SUMF1: variants seen among roughly 807,000 people sequenced by gnomAD.
The protein encoded by SUMF1 is formylglycine-generating enzyme.
A neutral mutation model predicts 47.6 loss-of-function variants in SUMF1; 48 were observed. The observed-to-expected ratio is 1.01, with a 90% CI of 0.80 to 1.28. SUMF1 has a LOEUF of 1.28. SUMF1 is among the 50% of genes most tolerant of loss of function. The probability of loss-of-function intolerance (pLI) is 0.00; values close to 1 mark genes in which losing one functional copy is unlikely to be tolerated. For missense variants in SUMF1, 571 were observed against 485.4 expected, an observed-to-expected ratio of 1.18 and a Z score of -1.66; for synonymous variants, 230 against 192.1, an observed-to-expected ratio of 1.20 and a Z score of -1.63.
At chr3:4,450,393 T>C (rs1702929511) in intron 2 of SUMF1, among the ~76,000 whole-genome samples, 1 of 152,218 alleles carries the variant, frequency 6.6e-6, no homozygotes, top group African/African-American at 2.4e-5. Context: ...GATCCTTATA[T>C]TGCAGATCTT....
At chr3:4,252,375 CA>C (rs1165010153) in intron 8 of SUMF1, among the ~76,000 whole-genome samples, 203 of 143,312 alleles carry the variant, frequency 1.4e-3, no homozygotes, top group Middle Eastern at 3.6e-3. Context: ...CACACACACA[CA>C]CACCCCACTG....
At chr3:4,096,859 C>A (rs913213028) in intron 8 of SUMF1, among the ~76,000 whole-genome samples, 2 of 152,000 alleles carry the variant, frequency 1.3e-5, no homozygotes, top group South Asian at 2.1e-4. Flanking sequence ...CTAATTGAGT[C>A]CTGTTATGCA....
intron 8 of SUMF1, among the ~76,000 whole-genome samples, chr3:4,126,096 A>AC (rs1693649771): frequency 6.6e-6 from 1 of 151,584 alleles, no homozygotes; most frequent in Non-Finnish European, 1.5e-5. Context: ...TTCAAATAAA[A>AC]AAAAATCAGA....
At chr3:4,395,683 T>C (rs1299050386) in intron 7 of SUMF1, among the ~76,000 whole-genome samples, 3 of 152,184 alleles carry the variant, frequency 2.0e-5, no homozygotes, top group African/African-American at 7.2e-5. Context: ...ATGCTACTTG[T>C]TTCACCCACA....
At chr3:4,134,204 C>T (rs1201539464) in intron 8 of SUMF1, among the ~76,000 whole-genome samples, 1 of 152,064 alleles carries the variant, frequency 6.6e-6, no homozygotes, top group African/African-American at 2.4e-5. Flanking sequence ...CCAAAATTGA[C>T]CACATAGTTG....
intron 8 of SUMF1, among the ~76,000 whole-genome samples, chr3:4,279,436 C>T (rs13060576): frequency 0.35 from 53,404 of 151,932 alleles, 10,113 homozygotes; most frequent in Non-Finnish European, 0.44. Flanking sequence ...CACAATCATA[C>T]AACAAAATAG....
intron 8 of SUMF1, among the ~76,000 whole-genome samples, chr3:4,318,938 A>C (rs1352611727): frequency 1.3e-5 from 2 of 152,210 alleles, no homozygotes; most frequent in Admixed American, 6.5e-5. Context: ...AAAAATAATA[A>C]GACAAATGAC....
At position 4,159,198 on chromosome 3, in the gene SUMF1, T is replaced by C. The variant is rs1461836013; in HGVS notation, c.1015-90453A>G. ...CGTCATGTTGTTATCCGTTTGCTGG[T>C]TGTTTTGCAGTCTCCTCTTCCTTCT... On this transcript the variant is annotated intron_variant and NMD_transcript_variant, in intron 8 of 12. Coordinates refer to the SUMF1 transcript ENST00000448413. 2.0e-5 allele frequency among the ~76,000 whole-genome samples: 3 copies of C among 151,418 alleles called. No homozygotes were observed. The East Asian group carries it at 5.8e-4, about 29-fold the overall frequency.
chr3:4,283,335 T>C (rs1389549342), intron 8 of SUMF1, among the ~76,000 whole-genome samples: 3 of 152,180 alleles, frequency 2.0e-5, no homozygotes, highest in African/African-American at 7.2e-5. Flanking sequence ...GAACTATACG[T>C]TCAACTAGAA....
At chr3:4,088,631 T>C (rs1250456428) in intron 8 of SUMF1, among the ~76,000 whole-genome samples, 3 of 152,144 alleles carry the variant, frequency 2.0e-5, no homozygotes, top group Non-Finnish European at 4.4e-5. Flanking sequence ...AGCTAAAATG[T>C]AGATTCCATG....
downstream of SUMF1, among the ~76,000 whole-genome samples, chr3:4,356,642 G>A (rs1038325075): frequency 9.9e-5 from 15 of 151,450 alleles, no homozygotes; most frequent in African/African-American, 3.6e-4. Flanking sequence ...AATGCAAACT[G>A]GCACCCCGCA....
intron 9 of SUMF1, among the ~76,000 whole-genome samples, chr3:4,048,049 T>C (rs1252186405): frequency 1.3e-5 from 2 of 152,116 alleles, no homozygotes; most frequent in African/African-American, 2.4e-5. Context: ...ATCCTTTGAT[T>C]AGGGTCTGTT....
chr3:4,459,370 G>A (rs1189138749), intron 1 of SUMF1, among the ~76,000 whole-genome samples: 1 of 151,130 alleles, frequency 6.6e-6, no homozygotes, highest in African/African-American at 2.4e-5. Flanking sequence ...ATTAGAAAGG[G>A]GAAAAAAAAG....
intron 7 of SUMF1, among the ~76,000 whole-genome samples, chr3:4,377,112 T>C (rs777412401): frequency 6.6e-6 from 1 of 152,188 alleles, no homozygotes; most frequent in Non-Finnish European, 1.5e-5. Context: ...GAATTATATG[T>C]TTTTATAATC....
intron 8 of SUMF1, among the ~76,000 whole-genome samples, chr3:4,296,524 G>A (rs111463900): frequency 6.6e-6 from 1 of 152,124 alleles, no homozygotes; most frequent in East Asian, 1.9e-4. Flanking sequence ...AGGAGCAAAG[G>A]TACATCTTAC....
At chr3:4,456,460 T>G (rs1353166031) in intron 1 of SUMF1, among the ~76,000 whole-genome samples, 2 of 149,280 alleles carry the variant, frequency 1.3e-5, no homozygotes, top group Admixed American at 6.7e-5. Context: ...CTTTGTTTTT[T>G]TTTTTTTTTG....
intron 8 of SUMF1, among the ~76,000 whole-genome samples, chr3:4,173,669 C>T (rs868568376): frequency 6.6e-6 from 1 of 152,090 alleles, no homozygotes; most frequent in Non-Finnish European, 1.5e-5. Context: ...AAAAATGTGG[C>T]ACATATACAC....
At chr3:4,185,825 G>A (rs1433095589) in intron 8 of SUMF1, among the ~76,000 whole-genome samples, 1 of 152,130 alleles carries the variant, frequency 6.6e-6, no homozygotes, top group Non-Finnish European at 1.5e-5. Context: ...AGATAATACT[G>A]GCTTGAACAA....
chr3:4,308,794 C>G (rs189193630), intron 8 of SUMF1, among the ~76,000 whole-genome samples: 128 of 152,330 alleles, frequency 8.4e-4, no homozygotes, highest in African/African-American at 2.5e-3. Flanking sequence ...TTGAAGACAT[C>G]TTTGTTCATT....
Sources: gnomAD v4.1 joint callset for allele counts (sites outside exome capture counted in the v4.1 genomes callset) on GRCh38, gnomAD v4.1.1 for gene constraint, MANE v1.5 for transcripts, NCBI Gene and HGNC (gene_info 2026-07-23, HGNC 2026-07-21) for gene names.